Variants in EXOC2 observed in about 807,000 individuals in gnomAD.
EXOC2 encodes exocyst complex component 2.
Under a neutral mutation model 131.8 loss-of-function variants are expected in EXOC2, and 70 were observed. The observed-to-expected ratio is 0.53, with a 90% CI of 0.44 to 0.65. EXOC2 has a LOEUF of 0.65. Among genes scored for constraint, EXOC2 ranks in the 30% least tolerant of loss-of-function variants. The pLI is 0.00. For missense variants in EXOC2, 923 were observed against 1,108.6 expected (o/e 0.83, Z 2.38); for synonymous variants, 411 against 398.4 (o/e 1.03, Z -0.38).
intron 12 of EXOC2, among the ~76,000 whole-genome samples, 179 bp downstream of exon 12, chr6:576,578 G>A (rs994953925): frequency 6.6e-6 from 1 of 152,248 alleles, no homozygotes; most frequent in Non-Finnish European, 1.5e-5. Flanking sequence ...TCCTTTAAAT[G>A]TAATATATAT....
intron 1 of EXOC2, among the ~76,000 whole-genome samples, chr6:671,910 TTTTA>T (rs910188814): frequency 1.1e-4 from 17 of 152,102 alleles, no homozygotes; most frequent in African/African-American, 2.9e-4. Context: ...ATTTTTTATT[TTTTA>T]TTTATTTATT....
At position 592,493 on chromosome 6, in the gene EXOC2, CTT is replaced by C; in HGVS notation, c.1166_1167del (p.Lys389ArgfsTer10). Reference protein sequence around the residue: ...KWILQLMHSCKEGYVKDLKGN... With the variant: ...KWILQLMHSCXEGYVKDLKGN... ...CCTTTCAGATCTTTCACGTAGCCCT[CTT>C]TGCAACTGTGCATGAGCTGAAGGAT... On this transcript the variant is annotated frameshift_variant, in exon 11 of 28. Transcript: ENST00000230449. LOFTEE classifies it high-confidence loss of function. 1 of 1,614,026 alleles carries C rather than the reference CTT, an allele frequency of 6.2e-7. No individual in the cohort carries two copies. Among genetic ancestry groups the C allele is most frequent in the Non-Finnish European group, 8.5e-7 (1 of 1,179,932 alleles).
Position 576,816 on chromosome 6 carries a change from T to A in EXOC2, c.1259A>T (p.His420Leu), listed in dbSNP as rs1215793460. Residue 420 changes from histidine to leucine, a missense_variant, in exon 12 of 28, where the codon CAT becomes CTT. His to Leu is a moderately conservative substitution (Grantham distance 99). Transcript: ENST00000230449. ...DNDTRPSVLG[H>L]LSQTASLKRG... ...CTTCAGGGACGCTGTCTGACTGAGA[T>A]GGCCCAACACTGAGGGACGTGTATC... The A allele has an allele frequency of 1.2e-6, 2 of 1,614,038 alleles. No homozygotes were observed. Among genetic ancestry groups the A allele is most frequent in the Non-Finnish European group, 1.7e-6 (2 of 1,180,026 alleles).
intron 22 of EXOC2, among the ~76,000 whole-genome samples, chr6:542,555 A>G (rs1047487583): frequency 6.6e-6 from 1 of 152,202 alleles, no homozygotes; most frequent in African/African-American, 2.4e-5. Flanking sequence ...GCAGTCCTAG[A>G]AAAATACAGA....
chr6:586,324 G>C (rs1759205036), intron 11 of EXOC2, among the ~76,000 whole-genome samples: 1 of 152,162 alleles, frequency 6.6e-6, no homozygotes, highest in African/African-American at 2.4e-5. Context: ...TGGCTCTGAT[G>C]GGGGCACTGC....
At chr6:656,785 G>A in intron 1 of EXOC2, 2 of 1,602,246 alleles carry the variant, frequency 1.2e-6, no homozygotes, top group Non-Finnish European at 1.7e-6. Flanking sequence ...TCGCACCACA[G>A]CCTGGCCTCG....
chr6:525,433 G>C (rs1042989303), intron 23 of EXOC2: 5 of 152,180 alleles, frequency 3.3e-5, no homozygotes, highest in African/African-American at 1.2e-4. Flanking sequence ...ATGAAGACAT[G>C]ATGGCAATAA....
intron 1 of EXOC2, among the ~76,000 whole-genome samples, chr6:645,515 T>C (rs1030477740): frequency 4.6e-5 from 7 of 151,974 alleles, no homozygotes; most frequent in African/African-American, 1.7e-4. Flanking sequence ...ATATTCACAA[T>C]AGATACAAAT....
intron 23 of EXOC2, among the ~76,000 whole-genome samples, chr6:508,007 G>A (rs1367880320): frequency 6.6e-6 from 1 of 152,088 alleles, no homozygotes; most frequent in Non-Finnish European, 1.5e-5. Context: ...ACTATTGACA[G>A]GTTAGTGTAT....
At chr6:509,772 A>G (rs1335307612) in intron 23 of EXOC2, among the ~76,000 whole-genome samples, 8 of 152,146 alleles carry the variant, frequency 5.3e-5, no homozygotes, top group African/African-American at 1.9e-4. Flanking sequence ...CGGCTCCTTT[A>G]AACACAGGCG....
At chr6:540,050 G>T (rs942085582) in intron 22 of EXOC2, among the ~76,000 whole-genome samples, 27 of 152,198 alleles carry the variant, frequency 1.8e-4, no homozygotes, top group Admixed American at 1.3e-4. Context: ...TGAAACAGAA[G>T]GACAGCCTGT....
At chr6:492,691 G>A (rs1469810670) in intron 25 of EXOC2, among the ~76,000 whole-genome samples, 1 of 152,172 alleles carries the variant, frequency 6.6e-6, no homozygotes, top group Non-Finnish European at 1.5e-5. Flanking sequence ...AATTTTCAGA[G>A]TAGACAAATC....
At position 656,176 on chromosome 6, in the gene EXOC2, T is replaced by C. The variant is rs373940847; in HGVS notation, c.-43-18315A>G. ...ACCAAAACAAGCTGAAGAAGAGTAT[T>C]GTCCCAAATATTGCACAGGGCCGTC... On this transcript the variant is annotated intron_variant, in intron 1 of 27. Coordinates refer to ENST00000230449, the MANE Select transcript of EXOC2 (RefSeq NM_018303.6). 52 of 1,614,158 alleles carry C rather than the reference T, an allele frequency of 3.2e-5. No individual in the cohort carries two copies. In the African/African-American group the frequency reaches 6.5e-4, roughly 20 times the overall value.
chr6:550,631 C>T (rs1757095385), intron 21 of EXOC2, among the ~76,000 whole-genome samples: 1 of 152,130 alleles, frequency 6.6e-6, no homozygotes, highest in Admixed American at 6.5e-5. Flanking sequence ...GAATAAACGG[C>T]CAGAAGGAAA....
chr6:683,346 G>A (rs554326654), intron 1 of EXOC2, among the ~76,000 whole-genome samples: 2 of 152,340 alleles, frequency 1.3e-5, no homozygotes, highest in Non-Finnish European at 2.9e-5. Context: ...GTTCAGGAAT[G>A]AGAGAGGAAC....
intron 1 of EXOC2, chr6:655,845 C>T (rs1763048673): frequency 9.6e-6 from 3 of 313,220 alleles, no homozygotes; most frequent in African/African-American, 4.3e-5. Context: ...CTGTTTTTCC[C>T]CCCCGAAAAA....
Position 633,021 on chromosome 6 carries a change from C to T in EXOC2, c.215G>A (p.Gly72Glu). The change falls in exon 3 of 28, where the codon GGA becomes GAA. Residue 72 changes from glycine to glutamate, a missense_variant. By Grantham distance (98) the Gly-to-Glu change is moderately conservative (BLOSUM62 -2). Coordinates refer to ENST00000230449, the MANE Select transcript of EXOC2 (RefSeq NM_018303.6). ...TGACTTAGTGGTGACAATAATGTCT[C>T]CTTTGTCATTTTTGGCTTGTCCCAC... ...CRVGQAKNDK[G>E]DIIVTTKSGG... 1.2e-6 allele frequency: 2 copies of T among 1,614,160 alleles called. No homozygotes were observed. Among genetic ancestry groups the T allele is most frequent in the Non-Finnish European group, 1.7e-6 (2 of 1,180,030 alleles).
At chr6:665,347 A>G (rs182097768) in intron 1 of EXOC2, among the ~76,000 whole-genome samples, 1 of 152,202 alleles carries the variant, frequency 6.6e-6, no homozygotes, top group Non-Finnish European at 1.5e-5. Flanking sequence ...AATGCAAACT[A>G]GTACAGCTGC....
At chr6:537,329 G>A (rs369860860) in intron 22 of EXOC2, among the ~76,000 whole-genome samples, 4 of 151,204 alleles carry the variant, frequency 2.6e-5, no homozygotes, top group South Asian at 4.2e-4. Flanking sequence ...GACGGCCGAC[G>A]GAGCGTACAC....
Sources: gnomAD v4.1 joint callset for allele counts (sites outside exome capture counted in the v4.1 genomes callset) on GRCh38, gnomAD v4.1.1 for gene constraint, MANE v1.5 for transcripts, NCBI Gene and HGNC (gene_info 2026-07-23, HGNC 2026-07-21) for gene names.